The following PHF24 variants were observed in gnomAD, a reference collection of about 807,000 sequenced individuals.
PHF24 encodes Galpha inhibitory interacting protein.
Under a neutral mutation model 42.6 loss-of-function variants are expected in PHF24, and 25 were observed. The ratio of observed to expected loss-of-function variants is 0.59; its 90% CI spans 0.43 to 0.82. PHF24 has a LOEUF of 0.82. Among genes scored for constraint, PHF24 ranks in the 40% least tolerant of loss-of-function variants. The pLI, the probability that PHF24 is intolerant of heterozygous loss-of-function variation, is 0.00. For synonymous variants in PHF24, 185 were observed against 204.8 expected, an observed-to-expected ratio of 0.90 and a Z score of 0.83; for missense variants, 470 against 538.1, an observed-to-expected ratio of 0.87 and a Z score of 1.25.
At chr9:34,795,501 A>G in the PHF24 span, among the ~76,000 whole-genome samples, 1 of 152,188 alleles carries the variant, frequency 6.6e-6, no homozygotes, top group Non-Finnish European at 1.5e-5. Flanking sequence ...GGAAACTTAG[A>G]ACATTAGGAA....
At chr9:34,737,551 A>ACC in the PHF24 span, among the ~76,000 whole-genome samples, 1 of 152,146 alleles carries the variant, frequency 6.6e-6, no homozygotes, top group African/African-American at 2.4e-5. Flanking sequence ...TTGGGTATAT[A>ACC]CATAGGAGTA....
chr9:34,912,184 C>A, the PHF24 span, among the ~76,000 whole-genome samples: 1 of 152,132 alleles, frequency 6.6e-6, no homozygotes. Flanking sequence ...AAAACCTGTT[C>A]CTCTGGAAGG....
At chr9:34,886,750 ATCTATCTGTCTGTCTG>A in the PHF24 span, among the ~76,000 whole-genome samples, 1 of 146,580 alleles carries the variant, frequency 6.8e-6, no homozygotes, top group Non-Finnish European at 1.5e-5. Flanking sequence ...CTATCTATCT[ATCTATCTGTCTGTCTG>A]TCTGTCTGTC....
chr9:34,849,622 G>A, the PHF24 span, among the ~76,000 whole-genome samples: 2 of 152,132 alleles, frequency 1.3e-5, no homozygotes, highest in African/African-American at 4.8e-5. Context: ...ATATTGTTAT[G>A]TGTGAATTTG....
chr9:34,737,172 C>T, the PHF24 span, among the ~76,000 whole-genome samples: 1 of 152,150 alleles, frequency 6.6e-6, no homozygotes, highest in Admixed American at 6.5e-5. Context: ...AAAGAGAAAC[C>T]CTGTATTTAT....
At chr9:34,798,273 T>C in the PHF24 span, among the ~76,000 whole-genome samples, 1 of 152,190 alleles carries the variant, frequency 6.6e-6, no homozygotes, top group Non-Finnish European at 1.5e-5. Flanking sequence ...AAGAGTACAT[T>C]GTGTGATGCT....
At chr9:34,917,193 TC>T in the PHF24 span, 1 of 1,454,856 alleles carries the variant, frequency 6.9e-7, no homozygotes, top group Non-Finnish European at 9.6e-7. Flanking sequence ...CTCAGCATGT[TC>T]CCACTTAAAT....
At chr9:34,898,572 G>T in the PHF24 span, among the ~76,000 whole-genome samples, 5 of 152,158 alleles carry the variant, frequency 3.3e-5, no homozygotes, top group African/African-American at 1.2e-4. Context: ...GGAATGAGAA[G>T]ACTTTTTCAA....
chr9:34,924,789 A>C, the PHF24 span, among the ~76,000 whole-genome samples: 4 of 152,154 alleles, frequency 2.6e-5, no homozygotes, highest in African/African-American at 9.7e-5. Context: ...GTTATTGATA[A>C]GTAAGGACTG....
At chr9:34,809,769 G>T in the PHF24 span, among the ~76,000 whole-genome samples, 1 of 152,100 alleles carries the variant, frequency 6.6e-6, no homozygotes, top group Non-Finnish European at 1.5e-5. This position sits in a 1 kb window ranked among gnomAD's most constrained non-coding sequence, Gnocchi z 4.1. Context: ...GCAGTTGGCC[G>T]GCTGTTTCAG....
At chr9:34,910,338 T>C in the PHF24 span, among the ~76,000 whole-genome samples, 3 of 152,146 alleles carry the variant, frequency 2.0e-5, no homozygotes, top group Non-Finnish European at 4.4e-5. Flanking sequence ...AAAAATTAAC[T>C]TAGAAATAAA....
At chr9:34,856,903 T>C in the PHF24 span, among the ~76,000 whole-genome samples, 14,122 of 152,228 alleles carry the variant, frequency 0.093, 1,543 homozygotes, top group African/African-American at 0.26. Flanking sequence ...CCCCTCCCGA[T>C]GGGGACTCTA....
At chr9:34,977,890 T>C in intron 7 of PHF24, 125 bp from the exon 8 acceptor site, 2 of 818,432 alleles carry the variant, frequency 2.4e-6, no homozygotes, top group Admixed American at 1.8e-5. Flanking sequence ...GCTCAAGCCA[T>C]GCTGCCCCTG....
the PHF24 span, among the ~76,000 whole-genome samples, chr9:34,720,461 ACAAAAC>A: frequency 1.1e-4 from 15 of 139,522 alleles, 3 homozygotes; most frequent in Non-Finnish European, 1.4e-4. Context: ...CAAAAAAAAA[ACAAAAC>A]AAAACAAAAA....
intron 1 of PHF24, among the ~76,000 whole-genome samples, chr9:34,961,155 T>C (rs1170987260): frequency 6.6e-6 from 1 of 152,204 alleles, no homozygotes; most frequent in Non-Finnish European, 1.5e-5. Flanking sequence ...TTCATGCAAA[T>C]AGTTTCCCTT....
chr9:34,942,877 C>T, the PHF24 span, among the ~76,000 whole-genome samples: 2 of 152,010 alleles, frequency 1.3e-5, no homozygotes, highest in Non-Finnish European at 2.9e-5. Flanking sequence ...GGAGGCATAG[C>T]ATTAGGAGAA....
the PHF24 span, among the ~76,000 whole-genome samples, chr9:34,941,911 A>G: frequency 6.6e-6 from 1 of 152,086 alleles, no homozygotes; most frequent in African/African-American, 2.4e-5. Flanking sequence ...AGACCATAGC[A>G]CCCTTCCAGT....
the PHF24 span, among the ~76,000 whole-genome samples, chr9:34,711,083 C>T: frequency 3.9e-4 from 60 of 152,210 alleles, no homozygotes; most frequent in African/African-American, 1.4e-3. Context: ...ACATTTTGCT[C>T]GTATACATTT....
At chr9:34,956,016 T>C (rs1048308982), upstream of PHF24, among the ~76,000 whole-genome samples, 3 of 152,374 alleles carry the variant, frequency 2.0e-5, no homozygotes, top group East Asian at 5.8e-4. Flanking sequence ...ATGGTCATTA[T>C]GCATTCCTTA....
Sources: gnomAD v4.1 joint callset for allele counts (sites outside exome capture counted in the v4.1 genomes callset) on GRCh38, gnomAD v4.1.1 for gene constraint, Gnocchi (gnomAD v3.1) non-coding constraint, MANE v1.5 for transcripts, NCBI Gene and HGNC (gene_info 2026-07-23, HGNC 2026-07-21) for gene names.